PDE4B: variants seen among roughly 807,000 people sequenced by gnomAD.
The protein encoded by PDE4B is 3',5'-cyclic-AMP phosphodiesterase 4B.
PDE4B carries 20 observed loss-of-function variants against 82.2 expected under a neutral mutation model. The observed-to-expected ratio is 0.24, with a 90% CI of 0.17 to 0.35. PDE4B has a LOEUF of 0.35. PDE4B is among the 10% of genes least tolerant of loss of function. The pLI is 1.00. For synonymous variants in PDE4B, 320 were observed against 318.9 expected (o/e 1.00, Z -0.04); for missense variants, 655 against 907.2 (o/e 0.72, Z 3.57).
intron 3 of PDE4B, among the ~76,000 whole-genome samples, chr1:65,979,066 CTG>C (rs1180571223): frequency 3.9e-5 from 6 of 152,120 alleles, no homozygotes; most frequent in Non-Finnish European, 7.4e-5. Context: ...CTTTGAAAAA[CTG>C]TGAAAATCAA....
At chr1:66,184,961 G>T (rs1337644522) in intron 3 of PDE4B, among the ~76,000 whole-genome samples, 1 of 151,920 alleles carries the variant, frequency 6.6e-6, no homozygotes, top group Non-Finnish European at 1.5e-5. Context: ...TTAACATTAG[G>T]TATATCTCCT....
intron 3 of PDE4B, among the ~76,000 whole-genome samples, chr1:66,212,533 G>A (rs552422960): frequency 2.6e-4 from 39 of 152,040 alleles, no homozygotes; most frequent in African/African-American, 7.7e-4. Context: ...TACACTACTC[G>A]TTTTACTTTT....
At chr1:65,925,146 A>G (rs1008714226) in intron 3 of PDE4B, among the ~76,000 whole-genome samples, 9 of 152,094 alleles carry the variant, frequency 5.9e-5, no homozygotes, top group African/African-American at 2.2e-4. Context: ...CAGTGAGTCT[A>G]TTTTCTATTA....
At chr1:65,971,637 T>C (rs548697887) in intron 3 of PDE4B, among the ~76,000 whole-genome samples, 131 of 152,264 alleles carry the variant, frequency 8.6e-4, no homozygotes, top group African/African-American at 3.0e-3. Flanking sequence ...GAAATGAAAA[T>C]GCTGAGAGTG....
intron 1 of PDE4B, among the ~76,000 whole-genome samples, chr1:65,877,052 G>A (rs1646652717): frequency 6.6e-6 from 1 of 152,010 alleles, no homozygotes; most frequent in Admixed American, 6.6e-5. Context: ...GAAAAAAACT[G>A]TTTTAAATTT....
At chr1:65,943,242 T>C (rs1487287032) in intron 3 of PDE4B, among the ~76,000 whole-genome samples, 1 of 151,964 alleles carries the variant, frequency 6.6e-6, no homozygotes, top group Non-Finnish European at 1.5e-5. Flanking sequence ...ATATCTAGTT[T>C]TGCCAACATC....
At chr1:66,114,145 G>A (rs1645544331) in intron 3 of PDE4B, among the ~76,000 whole-genome samples, 1 of 152,132 alleles carries the variant, frequency 6.6e-6, no homozygotes, top group African/African-American at 2.4e-5. Flanking sequence ...CTTCCACGAT[G>A]TGAGGACACA....
chr1:66,135,380 C>T (rs375202381), intron 3 of PDE4B, among the ~76,000 whole-genome samples: 1 of 152,108 alleles, frequency 6.6e-6, no homozygotes, highest in South Asian at 2.1e-4. Context: ...TTTGAGTTAT[C>T]AGGACTAGAA....
Position 65,830,712 on chromosome 1 carries a change from G to T in PDE4B, c.-71+37464G>T, listed in dbSNP as rs188601668. 2.6e-5 allele frequency among the ~76,000 whole-genome samples: 4 copies of T among 152,264 alleles called. No individual in the cohort carries two copies. In the East Asian group the frequency reaches 7.7e-4, roughly 29 times the overall value. ...CTCTCCCAGACAACAGAAGAGCATG[G>T]TAAGGAGACATGACATTTCAGTGCA... On this transcript the variant is annotated intron_variant, in intron 1 of 16. Transcript: ENST00000341517.
At chr1:65,829,065 A>C (rs1312182235) in intron 1 of PDE4B, among the ~76,000 whole-genome samples, 2 of 150,660 alleles carry the variant, frequency 1.3e-5, no homozygotes, top group Non-Finnish European at 3.0e-5. Context: ...ACGAACAACA[A>C]CAACAAAACA....
chr1:66,296,135 T>C (rs574927563), intron 7 of PDE4B, among the ~76,000 whole-genome samples: 15 of 152,298 alleles, frequency 9.8e-5, no homozygotes, highest in Non-Finnish European at 1.0e-4. Context: ...TATCTTTATC[T>C]CAGCCTTATC....
chr1:65,793,523 G>C (rs1181318304), intron 1 of PDE4B, among the ~76,000 whole-genome samples: 4 of 152,216 alleles, frequency 2.6e-5, no homozygotes, highest in African/African-American at 7.2e-5. Context: ...AGGATGGAGA[G>C]AGGCTAAGGG....
intron 4 of PDE4B, chr1:66,257,259 C>A: frequency 7.4e-6 from 2 of 270,682 alleles, no homozygotes; most frequent in South Asian, 4.3e-5. Flanking sequence ...ACTGTTATAC[C>A]AGTTTTTCCA....
chr1:66,181,747 G>T (rs1647067822), intron 3 of PDE4B, among the ~76,000 whole-genome samples: 1 of 152,024 alleles, frequency 6.6e-6, no homozygotes, highest in African/African-American at 2.4e-5. Flanking sequence ...CAGAATGAAA[G>T]GGAAGATGAG....
chr1:66,009,953 C>CTATCTATCTA (rs71058442), intron 3 of PDE4B, among the ~76,000 whole-genome samples: 1 of 136,598 alleles, frequency 7.3e-6, no homozygotes, highest in Non-Finnish European at 1.6e-5. Flanking sequence ...ATCTATCTAT[C>CTATCTATCTA]ATCTATCTAT....
chr1:66,105,202 T>G (rs950989614), intron 3 of PDE4B, among the ~76,000 whole-genome samples: 2 of 146,584 alleles, frequency 1.4e-5, no homozygotes, highest in African/African-American at 5.0e-5. Context: ...AGGGAATCCT[T>G]TCCCCATTTC....
chr1:65,940,570 G>A (rs1648391561), intron 3 of PDE4B, among the ~76,000 whole-genome samples: 1 of 151,828 alleles, frequency 6.6e-6, no homozygotes, highest in African/African-American at 2.4e-5. Flanking sequence ...GAGGGAATGG[G>A]AACAAGTGAA....
chr1:66,182,891 T>C (rs79722772), intron 3 of PDE4B, among the ~76,000 whole-genome samples: 1 of 152,176 alleles, frequency 6.6e-6, no homozygotes, highest in Non-Finnish European at 1.5e-5. Flanking sequence ...GAGAAAAAAA[T>C]ATCATCAGCT....
At chr1:66,088,047 T>C (rs1644929960) in intron 3 of PDE4B, among the ~76,000 whole-genome samples, 1 of 151,794 alleles carries the variant, frequency 6.6e-6, no homozygotes, top group Non-Finnish European at 1.5e-5. Context: ...TAAAAAAAAG[T>C]TTACGGCAAT....
Sources: allele counts gnomAD v4.1 joint callset (sites outside exome capture counted in the v4.1 genomes callset), GRCh38; gene constraint gnomAD v4.1.1; transcripts MANE v1.5; gene names NCBI Gene and HGNC (gene_info 2026-07-23, HGNC 2026-07-21).